Variants in EFCAB6 observed in about 807,000 individuals in gnomAD.
EFCAB6 encodes the protein EF-hand calcium-binding domain-containing protein 6.
Under a neutral mutation model 169.8 loss-of-function variants are expected in EFCAB6, and 156 were observed. The ratio of observed to expected loss-of-function variants is 0.92; its 90% CI spans 0.81 to 1.05. EFCAB6 has a LOEUF of 1.05. Ranked by LOEUF, EFCAB6 falls within the 50% of genes least tolerant of loss-of-function variation. The pLI, the probability that EFCAB6 is intolerant of heterozygous loss-of-function variation, is 0.00. For missense variants in EFCAB6, 1,800 were observed against 1,829.1 expected, an observed-to-expected ratio of 0.98 and a Z score of 0.29; for synonymous variants, 698 against 676.4, an observed-to-expected ratio of 1.03 and a Z score of -0.50.
chr22:43,584,938 T>C (rs1256492004), intron 24 of EFCAB6, among the ~76,000 whole-genome samples: 1 of 152,132 alleles, frequency 6.6e-6, no homozygotes, highest in Non-Finnish European at 1.5e-5. Flanking sequence ...CTGGAGTAAA[T>C]TGGAGCCTTT....
chr22:43,696,056 A>G (rs1287735788), intron 10 of EFCAB6, among the ~76,000 whole-genome samples: 3 of 152,160 alleles, frequency 2.0e-5, no homozygotes, highest in Non-Finnish European at 4.4e-5. Flanking sequence ...CTGAAAACAT[A>G]TATCTGATAA....
intron 10 of EFCAB6, among the ~76,000 whole-genome samples, chr22:43,698,847 A>C: frequency 6.6e-6 from 1 of 152,234 alleles, no homozygotes; most frequent in East Asian, 1.9e-4. Flanking sequence ...TTATCACTCT[A>C]GATCTCATGA....
chr22:43,752,469 T>G (rs570331499), intron 6 of EFCAB6, among the ~76,000 whole-genome samples: 2 of 152,314 alleles, frequency 1.3e-5, no homozygotes, highest in South Asian at 2.1e-4. Flanking sequence ...TGTTCAGACA[T>G]CCGCCCTTCT....
chr22:43,570,724 G>A (rs996305391), intron 26 of EFCAB6, among the ~76,000 whole-genome samples: 52 of 151,998 alleles, frequency 3.4e-4, no homozygotes, highest in African/African-American at 1.2e-3. Context: ...CATCTTGAAA[G>A]GGGATGTGAT....
At chr22:43,544,658 G>A (rs1602163942) in intron 27 of EFCAB6, among the ~76,000 whole-genome samples, 1 of 152,052 alleles carries the variant, frequency 6.6e-6, no homozygotes, top group East Asian at 1.9e-4. Flanking sequence ...TGGACGTGGG[G>A]ACATCCTTTC....
intron 6 of EFCAB6, among the ~76,000 whole-genome samples, chr22:43,743,196 T>C (rs996992330): frequency 6.6e-6 from 1 of 152,146 alleles, no homozygotes; most frequent in Non-Finnish European, 1.5e-5. Context: ...TAAATGTTAC[T>C]AGAAGAAGCA....
chr22:43,579,419 T>TGCATGCAGGCATCATTCC (rs2050533263), intron 25 of EFCAB6, among the ~76,000 whole-genome samples: 1 of 88,796 alleles, frequency 1.1e-5, no homozygotes, highest in African/African-American at 5.0e-5. Context: ...GGCATCATTC[T>TGCATGCAGGCATCATTCC]GTACATGCAG....
intron 20 of EFCAB6, among the ~76,000 whole-genome samples, chr22:43,617,383 A>T (rs551209675): frequency 6.6e-6 from 1 of 152,232 alleles, no homozygotes; most frequent in Non-Finnish European, 1.5e-5. Context: ...AGTAGATCCC[A>T]GTTGATCTCA....
intron 3 of EFCAB6, among the ~76,000 whole-genome samples, chr22:43,780,486 CAAA>C (rs34634496): frequency 1.2e-4 from 6 of 49,024 alleles, no homozygotes; most frequent in African/African-American, 3.4e-4. Flanking sequence ...GACTCTGTCT[CAAA>C]AAAAAAAAAA....
chr22:43,669,025 T>C lies in EFCAB6; in HGVS notation c.1661A>G (p.Asp554Gly), dbSNP rs1471693303. 3.7e-6 allele frequency: 6 copies of C among 1,608,474 alleles called. No individual in the cohort carries two copies. In the East Asian group the frequency reaches 1.3e-4, roughly 36 times the overall value. ...HFIKLCSKIQDIGSGRILYKK... is the reference protein window; with the variant it reads ...HFIKLCSKIQGIGSGRILYKK... ...GTAAAGGATTCTTCCTGAACCAATG[T>C]CCTGAATCTTACTGCAGAGTCTGAA... Residue 554 changes from aspartate (D) to glycine (G), a missense_variant, in exon 16 of 32, where the codon GAC becomes GGC. Physicochemically the swap from Asp to Gly is moderately conservative, Grantham distance 94 (BLOSUM62 -1). Transcript: ENST00000262726.
intron 1 of EFCAB6, among the ~76,000 whole-genome samples, chr22:43,811,291 C>A (rs1168998644): frequency 1.0e-5 from 1 of 100,292 alleles, no homozygotes; most frequent in African/African-American, 3.8e-5. Context: ...AAAGGAGAGG[C>A]GAGGGGAGGG....
intron 26 of EFCAB6, among the ~76,000 whole-genome samples, chr22:43,559,254 T>C (rs917243270): frequency 2.0e-5 from 3 of 152,056 alleles, no homozygotes; most frequent in Non-Finnish European, 2.9e-5. Flanking sequence ...AATAAACATA[T>C]GAAAAAAAGC....
At chr22:43,660,068 C>A (rs545782777) in intron 17 of EFCAB6, among the ~76,000 whole-genome samples, 19 of 152,276 alleles carry the variant, frequency 1.2e-4, no homozygotes, top group African/African-American at 4.6e-4. Flanking sequence ...GTACTAAGAA[C>A]AACAGTGAGC....
intron 17 of EFCAB6, among the ~76,000 whole-genome samples, chr22:43,662,829 G>A (rs963216984): frequency 6.6e-6 from 1 of 152,094 alleles, no homozygotes; most frequent in Non-Finnish European, 1.5e-5. Flanking sequence ...GCAAGCCTGC[G>A]GTACATCCTG....
At chr22:43,661,440 G>C (rs1379743674) in intron 17 of EFCAB6, among the ~76,000 whole-genome samples, 1 of 152,172 alleles carries the variant, frequency 6.6e-6, no homozygotes, top group Admixed American at 6.5e-5. Context: ...GAGAATTTCA[G>C]AACATTGTTA....
At chr22:43,766,306 T>G (rs1236778842) in intron 4 of EFCAB6, among the ~76,000 whole-genome samples, 1 of 152,148 alleles carries the variant, frequency 6.6e-6, no homozygotes, top group African/African-American at 2.4e-5. Context: ...GTACTGGGAT[T>G]ACAGGCATGA....
chr22:43,605,170 C>T (rs116196034), intron 22 of EFCAB6, among the ~76,000 whole-genome samples: 5 of 152,186 alleles, frequency 3.3e-5, no homozygotes, highest in African/African-American at 4.8e-5. Flanking sequence ...TGAGAGAAAT[C>T]GGATGTCGCT....
intron 17 of EFCAB6, 151 bp from the exon 18 acceptor site, chr22:43,635,367 G>A (rs949604397): frequency 1.7e-5 from 11 of 638,166 alleles, no homozygotes; most frequent in East Asian, 1.1e-4. Context: ...GGGTGGGACC[G>A]AGTCTCCTGT....
At chr22:43,770,294 C>A (rs772995041) in intron 4 of EFCAB6, among the ~76,000 whole-genome samples, 2 of 152,182 alleles carry the variant, frequency 1.3e-5, no homozygotes, top group African/African-American at 4.8e-5. Context: ...AACCACCACA[C>A]CTGACCTACT....
Sources: gnomAD v4.1 joint callset for allele counts (sites outside exome capture counted in the v4.1 genomes callset) on GRCh38, gnomAD v4.1.1 for gene constraint, MANE v1.5 for transcripts, NCBI Gene and HGNC (gene_info 2026-07-23, HGNC 2026-07-21) for gene names.